PPP4R2: variants seen among roughly 807,000 people sequenced by gnomAD.
PPP4R2 encodes the protein serine/threonine-protein phosphatase 4 regulatory subunit 2.
A neutral mutation model predicts 47.2 loss-of-function variants in PPP4R2; 13 were observed. The ratio of observed to expected loss-of-function variants is 0.28; its 90% CI spans 0.18 to 0.44. The LOEUF (loss-of-function observed/expected upper bound fraction) is 0.44, where lower values mean the gene tolerates loss of function less well. Ranked by LOEUF, PPP4R2 falls within the 20% of genes least tolerant of loss-of-function variation. The probability of loss-of-function intolerance (pLI) is 1.00; values close to 1 mark genes in which losing one functional copy is unlikely to be tolerated. For synonymous variants in PPP4R2, 151 were observed against 163.3 expected (o/e 0.92, Z 0.57); for missense variants, 421 against 491.2 (o/e 0.86, Z 1.35).
chr3:73,040,531 GCTCTGTCA>G (rs1702356766), intron 2 of PPP4R2, among the ~76,000 whole-genome samples: 1 of 123,584 alleles, frequency 8.1e-6, no homozygotes, highest in South Asian at 2.8e-4. Context: ...AGACAGTCTT[GCTCTGTCA>G]CTCAGGCTGG....
intron 2 of PPP4R2, chr3:73,016,218 GAT>G (rs1701828333): frequency 6.6e-6 from 1 of 152,148 alleles, no homozygotes; most frequent in Non-Finnish European, 1.5e-5. Context: ...GATTCTTTGA[GAT>G]GTGGGAGTTT....
At chr3:73,004,944 CGTGTGTGTGTGTGTGTGTGTGTGTGT>C (rs67945272) in intron 2 of PPP4R2, among the ~76,000 whole-genome samples, 4 of 116,950 alleles carry the variant, frequency 3.4e-5, no homozygotes, top group African/African-American at 6.7e-5. Flanking sequence ...GAGTCGGAGT[CGTGTGTGTGTGTGTGTGTGTGTGTGT>C]GTGTGTGTGT....
chr3:73,047,391 T>G, intron 3 of PPP4R2, 35 bp downstream of exon 3: 1 of 1,389,288 alleles, frequency 7.2e-7, no homozygotes, highest in South Asian at 1.4e-5. Flanking sequence ...GATTTAATTT[T>G]TAGCAGAAGA....
In PPP4R2 at chr3:73,024,447, AAATTCTCTG is replaced by A. The variant is rs1432692583; in HGVS notation, c.117-22735_117-22727del. Among the ~76,000 whole-genome samples the A allele has an allele frequency of 2.6e-5, 4 of 152,252 alleles. No individual in the cohort carries two copies. The East Asian group carries it at 7.7e-4, about 29-fold the overall frequency. ...CCTGCGGAGAACCAAACTAAAACCT[AAATTCTCTG>A]AATATTTTGGTGGATCTTAAGGTGT... On this transcript the variant is annotated intron_variant, in intron 2 of 8. Coordinates refer to ENST00000356692, the MANE Select transcript of PPP4R2 (RefSeq NM_174907.4).
intron 4 of PPP4R2, among the ~76,000 whole-genome samples, chr3:73,059,740 G>A (rs1702804214): frequency 6.6e-6 from 1 of 151,996 alleles, no homozygotes; most frequent in Non-Finnish European, 1.5e-5. Context: ...TTCGAGACCA[G>A]GCTGGCCAAC....
At chr3:73,003,045 A>G (rs938083274) in intron 2 of PPP4R2, among the ~76,000 whole-genome samples, 4 of 152,116 alleles carry the variant, frequency 2.6e-5, no homozygotes, top group Non-Finnish European at 5.9e-5. Flanking sequence ...ATTGTAACCA[A>G]CATTACACAT....
rs1046364350 is a variant in PPP4R2 at position 73,066,161 on chromosome 3, G to A, written c.*439G>A. On this transcript the variant is annotated 3_prime_UTR_variant, in exon 9 of 9. Transcript: ENST00000356692. ...TCATAGTTTCAACATTTTAACATGT[G>A]AATTATAGGGTTTCATGCTGGTTTC... 6.7e-6 allele frequency: 1 copy of A among 149,178 alleles called. No homozygotes were observed. 9.2% of individuals were successfully genotyped at this position (149,178 alleles called of 1,614,324 possible). A position where few individuals can be genotyped will look rare whatever the true frequency, so the allele number is the denominator to read the frequency against.
At chr3:72,997,419 T>G in intron 1 of PPP4R2, 1 of 227,446 alleles carries the variant, frequency 4.4e-6, no homozygotes, top group Non-Finnish European at 8.6e-6. Flanking sequence ...ACCCGTACGC[T>G]AGGCGTTGGG....
At chr3:73,003,908 T>C (rs1701538440) in intron 2 of PPP4R2, among the ~76,000 whole-genome samples, 2 of 152,106 alleles carry the variant, frequency 1.3e-5, no homozygotes, top group African/African-American at 4.8e-5. Flanking sequence ...CTGTGATGGC[T>C]GGGCTGGTCT....
At chr3:73,055,264 G>A (rs900078215) in intron 3 of PPP4R2, among the ~76,000 whole-genome samples, 1 of 151,994 alleles carries the variant, frequency 6.6e-6, no homozygotes, top group Non-Finnish European at 1.5e-5. Flanking sequence ...GGCACTGTTA[G>A]GTGATTTAAT....
chr3:73,010,253 T>C (rs1419437462), intron 2 of PPP4R2, among the ~76,000 whole-genome samples: 8 of 152,198 alleles, frequency 5.3e-5, no homozygotes, highest in African/African-American at 1.9e-4. Context: ...GACAAGGTCT[T>C]GCTCTGTCAT....
intron 2 of PPP4R2, among the ~76,000 whole-genome samples, chr3:72,998,418 A>G (rs995052039): frequency 3.3e-5 from 5 of 152,198 alleles, no homozygotes; most frequent in Non-Finnish European, 7.3e-5. Context: ...TAGAGAATGT[A>G]TTAGTCTTAA....
intron 2 of PPP4R2, among the ~76,000 whole-genome samples, chr3:72,999,662 T>C (rs901667169): frequency 6.6e-6 from 1 of 152,232 alleles, no homozygotes; most frequent in Non-Finnish European, 1.5e-5. Context: ...TTTAATATCC[T>C]GTCTTACTGG....
At chr3:73,012,762 C>CAGGGTGG (rs1575844816) in intron 2 of PPP4R2, among the ~76,000 whole-genome samples, 1 of 152,084 alleles carries the variant, frequency 6.6e-6, no homozygotes, top group African/African-American at 2.4e-5. Context: ...TGGTGATTTC[C>CAGGGTGG]AGGGTGGCTT....
At chr3:73,030,137 A>G (rs964959900) in intron 2 of PPP4R2, among the ~76,000 whole-genome samples, 4 of 152,250 alleles carry the variant, frequency 2.6e-5, no homozygotes, top group Admixed American at 6.5e-5. Flanking sequence ...GTGTATTTAT[A>G]TTTGTATGCT....
At chr3:73,063,644 A>G (rs1240791736) in intron 5 of PPP4R2, 29 bp from the exon 6 acceptor site, 14 of 1,378,442 alleles carry the variant, frequency 1.0e-5, no homozygotes, top group Non-Finnish European at 1.3e-5. Context: ...AAATTAAGTC[A>G]TCCACAAGTG....
chr3:73,016,824 T>C (rs1280308065), intron 2 of PPP4R2, among the ~76,000 whole-genome samples: 1 of 146,544 alleles, frequency 6.8e-6, no homozygotes, highest in Non-Finnish European at 1.5e-5. Context: ...TTTTTTTTTT[T>C]TTTTTTTTTT....
chr3:73,033,882 G>A (rs1322798752), intron 2 of PPP4R2, among the ~76,000 whole-genome samples: 4 of 152,194 alleles, frequency 2.6e-5, no homozygotes, highest in African/African-American at 4.8e-5. Flanking sequence ...GTTGGTGTGC[G>A]AGTGTCTAAG....
At chr3:73,062,068 C>A in intron 5 of PPP4R2, 1 of 1,510,932 alleles carries the variant, frequency 6.6e-7, no homozygotes, top group Non-Finnish European at 8.9e-7. Context: ...AGAGTCAAGT[C>A]ATAGCGACTA....
Sources: gnomAD v4.1 joint callset for allele counts (sites outside exome capture counted in the v4.1 genomes callset) on GRCh38, gnomAD v4.1.1 for gene constraint, MANE v1.5 for transcripts, NCBI Gene and HGNC (gene_info 2026-07-23, HGNC 2026-07-21) for gene names.